The following NUDT3 variants were observed in gnomAD, a reference collection of about 807,000 sequenced individuals.
The protein encoded by NUDT3 is diphosphoinositol polyphosphate phosphohydrolase 1.
Under a neutral mutation model 23.6 loss-of-function variants are expected in NUDT3, and 9 were observed. The ratio of observed to expected loss-of-function variants is 0.38; its 90% confidence interval spans 0.23 to 0.66. The LOEUF is 0.66. NUDT3 is among the 30% of genes least tolerant of loss of function. The probability of loss-of-function intolerance (pLI) is 0.52; values close to 1 mark genes in which losing one functional copy is unlikely to be tolerated. For missense variants in NUDT3, 172 were observed against 218.5 expected, an observed-to-expected ratio of 0.79 and a Z score of 1.34; for synonymous variants, 86 against 82.6, an observed-to-expected ratio of 1.04 and a Z score of -0.22.
At chr6:34,331,956 A>T (rs1288918958) in intron 2 of NUDT3, among the ~76,000 whole-genome samples, 2 of 152,132 alleles carry the variant, frequency 1.3e-5, no homozygotes. Context: ...GGCTCACTGC[A>T]GCCTTGATGC....
chr6:34,304,657 CTTTTTT>C (rs550653985), intron 2 of NUDT3, among the ~76,000 whole-genome samples: 1 of 142,120 alleles, frequency 7.0e-6, no homozygotes, highest in Non-Finnish European at 1.5e-5. Context: ...TTTCTTTTTC[CTTTTTT>C]TTTTTGTTTT....
chr6:34,384,564 G>T (rs1358804090), intron 1 of NUDT3, among the ~76,000 whole-genome samples: 2 of 152,164 alleles, frequency 1.3e-5, no homozygotes, highest in Non-Finnish European at 2.9e-5. Context: ...AAAAGGAAAG[G>T]CTGGGGGAAG....
chr6:34,291,663 T>G (rs1581846227), intron 4 of NUDT3, among the ~76,000 whole-genome samples: 1 of 151,744 alleles, frequency 6.6e-6, no homozygotes, highest in African/African-American at 2.4e-5. Flanking sequence ...CCACCATGCC[T>G]GGCTAATTTT....
intron 1 of NUDT3, among the ~76,000 whole-genome samples, chr6:34,356,496 G>A (rs2113748159): frequency 6.6e-6 from 1 of 152,286 alleles, no homozygotes; most frequent in Non-Finnish European, 1.5e-5. Context: ...CACTAGGACT[G>A]TATCAAAAGG....
chr6:34,340,840 G>A (rs1211631280), intron 2 of NUDT3, among the ~76,000 whole-genome samples: 1 of 152,134 alleles, frequency 6.6e-6, no homozygotes, highest in East Asian at 1.9e-4. Context: ...CTAGTTATGG[G>A]TATAAGATAG....
chr6:34,344,290 T>C (rs1274070180), intron 1 of NUDT3, among the ~76,000 whole-genome samples: 1 of 152,080 alleles, frequency 6.6e-6, no homozygotes, highest in Non-Finnish European at 1.5e-5. Context: ...TAAAAACAAC[T>C]CAAATATCCA....
intron 1 of NUDT3, among the ~76,000 whole-genome samples, chr6:34,387,544 G>A (rs924400535): frequency 3.3e-5 from 5 of 151,548 alleles, no homozygotes; most frequent in African/African-American, 1.2e-4. Flanking sequence ...ATATAATGAA[G>A]AAAACATTAG....
At chr6:34,378,870 T>C (rs1298891639) in intron 1 of NUDT3, among the ~76,000 whole-genome samples, 1 of 152,198 alleles carries the variant, frequency 6.6e-6, no homozygotes, top group Non-Finnish European at 1.5e-5. Context: ...ACACTCCGCA[T>C]CCCTGCACCA....
intron 2 of NUDT3, among the ~76,000 whole-genome samples, chr6:34,327,034 C>T (rs1484838591): frequency 6.6e-6 from 1 of 151,720 alleles, no homozygotes; most frequent in African/African-American, 2.4e-5. Context: ...ACGCGGAGAC[C>T]GGTAGTGGCC....
At chr6:34,346,724 T>C (rs775698046) in intron 1 of NUDT3, among the ~76,000 whole-genome samples, 8 of 152,068 alleles carry the variant, frequency 5.3e-5, no homozygotes, top group East Asian at 3.9e-4. Flanking sequence ...TGACAACCTA[T>C]TGAAAATTTA....
intron 1 of NUDT3, among the ~76,000 whole-genome samples, chr6:34,348,373 T>A (rs1484700196): frequency 1.3e-5 from 2 of 151,468 alleles, no homozygotes; most frequent in African/African-American, 2.4e-5. Flanking sequence ...TTCCAGCTAC[T>A]GGGGAGGCTG....
chr6:34,383,703 G>A (rs146340424), intron 1 of NUDT3, among the ~76,000 whole-genome samples: 101 of 152,272 alleles, frequency 6.6e-4, no homozygotes, highest in East Asian at 6.6e-3. Context: ...TTTTTATTGA[G>A]AAATGAGAAT....
chr6:34,377,444 A>C (rs1012013310), intron 1 of NUDT3, among the ~76,000 whole-genome samples: 1 of 152,200 alleles, frequency 6.6e-6, no homozygotes. Context: ...AATTCATTTT[A>C]AAAAATCTGG....
At chr6:34,306,368 G>C (rs552485581) in intron 2 of NUDT3, among the ~76,000 whole-genome samples, 2 of 152,204 alleles carry the variant, frequency 1.3e-5, no homozygotes, top group African/African-American at 4.8e-5. Flanking sequence ...AACAAGGCCG[G>C]ATAAGTTACA....
At position 34,349,820 on chromosome 6, in the gene NUDT3, G is replaced by A. The variant is rs1040971524; in HGVS notation, c.100-7848C>T. 1.4e-4 allele frequency among the ~76,000 whole-genome samples: 21 copies of A among 150,790 alleles called. 2 individuals are homozygous for A. Among genetic ancestry groups the A allele is most frequent in the African/African-American group, 5.2e-4 (21 of 40,496 alleles). On this transcript the variant is annotated intron_variant, in intron 1 of 4. Coordinates refer to ENST00000607016, the MANE Select transcript of NUDT3 (RefSeq NM_006703.4). ...AATTAGATTATCTAGGCCAGGCACG[G>A]TGGCTCACGCCTGTAATCCCAGCAC...
At chr6:34,342,346 GA>G (rs1217487433) in intron 1 of NUDT3, among the ~76,000 whole-genome samples, 4 of 145,948 alleles carry the variant, frequency 2.7e-5, no homozygotes, top group Non-Finnish European at 6.0e-5. Context: ...TGTCAGCACT[GA>G]AAAAGCTGGC....
At chr6:34,334,988 AAG>A (rs920552589) in intron 2 of NUDT3, among the ~76,000 whole-genome samples, 17 of 151,688 alleles carry the variant, frequency 1.1e-4, no homozygotes, top group African/African-American at 1.9e-4. Context: ...AAAGAGAGAG[AAG>A]AGAGAGAGAG....
intron 2 of NUDT3, among the ~76,000 whole-genome samples, chr6:34,308,636 G>A (rs73744878): frequency 0.016 from 2,503 of 152,142 alleles, 68 homozygotes; most frequent in African/African-American, 0.058. Context: ...ATGCAAGCAG[G>A]AGTAACTAAC....
chr6:34,316,527 T>C (rs926340510), intron 2 of NUDT3, among the ~76,000 whole-genome samples: 1 of 152,234 alleles, frequency 6.6e-6, no homozygotes, highest in Non-Finnish European at 1.5e-5. Flanking sequence ...TTGCTACTTC[T>C]AGTATAAACA....
Sources: gnomAD v4.1 joint callset for allele counts (sites outside exome capture counted in the v4.1 genomes callset) on GRCh38, gnomAD v4.1.1 for gene constraint, MANE v1.5 for transcripts, NCBI Gene and HGNC (gene_info 2026-07-23, HGNC 2026-07-21) for gene names.